The following PARD3 variants were observed in gnomAD, a reference collection of about 807,000 sequenced individuals.
PARD3 encodes partitioning defective 3 homolog.
In PARD3, 75 loss-of-function variants were observed where a neutral mutation model predicts 155.4. That is an observed-to-expected ratio of 0.48 (90% confidence interval 0.40 to 0.58). PARD3 has a LOEUF of 0.58. Ranked by LOEUF, PARD3 falls within the 20% of genes least tolerant of loss-of-function variation. The probability of loss-of-function intolerance (pLI) is 0.00; values close to 1 mark genes in which losing one functional copy is unlikely to be tolerated. For synonymous variants in PARD3, 576 were observed against 610.5 expected, an observed-to-expected ratio of 0.94 and a Z score of 0.83; for missense variants, 1,642 against 1,721.7, an observed-to-expected ratio of 0.95 and a Z score of 0.82.
At chr10:34,733,144 GA>G (rs1293745855) in intron 1 of PARD3, among the ~76,000 whole-genome samples, 3 of 152,126 alleles carry the variant, frequency 2.0e-5, no homozygotes, top group African/African-American at 7.2e-5. Flanking sequence ...CTACTACAAT[GA>G]AATATTTGCC....
chr10:34,785,636 C>G (rs571773277), intron 1 of PARD3, among the ~76,000 whole-genome samples: 3 of 151,982 alleles, frequency 2.0e-5, no homozygotes, highest in African/African-American at 4.8e-5. Flanking sequence ...ATTCGAGAGG[C>G]TGAGGTGGGA....
chr10:34,597,876 T>TCTGC (rs1415246825), intron 2 of PARD3, among the ~76,000 whole-genome samples: 3 of 152,178 alleles, frequency 2.0e-5, no homozygotes, highest in Non-Finnish European at 2.9e-5. Context: ...GCCTTAAATA[T>TCTGC]CTGCTGTTGA....
chr10:34,654,910 C>T (rs914694568), intron 2 of PARD3, among the ~76,000 whole-genome samples: 1 of 152,164 alleles, frequency 6.6e-6, no homozygotes. Flanking sequence ...TCTACACTCC[C>T]GTTGCCTTAC....
At chr10:34,409,294 G>T (rs1322589756) in intron 5 of PARD3, among the ~76,000 whole-genome samples, 1 of 151,920 alleles carries the variant, frequency 6.6e-6, no homozygotes, top group Non-Finnish European at 1.5e-5. Flanking sequence ...ATGCATAATG[G>T]AATCTTAAAA....
intron 1 of PARD3, among the ~76,000 whole-genome samples, chr10:34,795,887 T>C (rs1281853353): frequency 6.7e-6 from 1 of 148,480 alleles, no homozygotes; most frequent in Non-Finnish European, 1.5e-5. Flanking sequence ...AGAGTGAAAC[T>C]CCATCTCAAA....
At chr10:34,746,207 T>C (rs1422207850) in intron 1 of PARD3, among the ~76,000 whole-genome samples, 1 of 151,698 alleles carries the variant, frequency 6.6e-6, no homozygotes, top group Admixed American at 6.6e-5. Flanking sequence ...ATACCTGTAA[T>C]CTCAGCAGGA....
At chr10:34,475,039 C>T (rs751205463) in intron 3 of PARD3, among the ~76,000 whole-genome samples, 1 of 152,144 alleles carries the variant, frequency 6.6e-6, no homozygotes, top group Non-Finnish European at 1.5e-5. Context: ...AGGAAACAAA[C>T]TAGATTCAGT....
intron 1 of PARD3, among the ~76,000 whole-genome samples, chr10:34,797,467 C>T (rs901540249): frequency 3.3e-5 from 5 of 152,168 alleles, no homozygotes; most frequent in African/African-American, 9.7e-5. Context: ...AAAGTCTAAA[C>T]ATGTAGAAAA....
chr10:34,647,292 C>T (rs888581904), intron 2 of PARD3, among the ~76,000 whole-genome samples: 3 of 152,164 alleles, frequency 2.0e-5, no homozygotes, highest in South Asian at 4.1e-4. Context: ...ACTACTGCAT[C>T]CCAGCATCTG....
chr10:34,681,266 T>C (rs2093812992), intron 2 of PARD3, among the ~76,000 whole-genome samples: 1 of 152,138 alleles, frequency 6.6e-6, no homozygotes, highest in Admixed American at 6.5e-5. Flanking sequence ...TTTATTTGCA[T>C]TGTATTTTAA....
chr10:34,721,873 A>G (rs963130507), intron 1 of PARD3, among the ~76,000 whole-genome samples: 2 of 152,222 alleles, frequency 1.3e-5, no homozygotes, highest in Middle Eastern at 3.2e-3. Context: ...TAGAAAAACA[A>G]TGGCTTTAAT....
chr10:34,260,599 A>G (rs1206223012), intron 22 of PARD3, among the ~76,000 whole-genome samples: 1 of 152,310 alleles, frequency 6.6e-6, no homozygotes, highest in African/African-American at 2.4e-5. Context: ...GGCCAGAGAT[A>G]TTAGTAGACA....
chr10:34,324,636 G>A (rs1051614360), intron 19 of PARD3, among the ~76,000 whole-genome samples: 2 of 152,096 alleles, frequency 1.3e-5, no homozygotes, highest in Non-Finnish European at 2.9e-5. Context: ...ACGAGGGTCC[G>A]GCCTAGACTG....
chr10:34,372,559 T>C (rs752480700), intron 11 of PARD3, 23 bp from the exon 12 acceptor site: 29 of 1,580,044 alleles, frequency 1.8e-5, no homozygotes, highest in Non-Finnish European at 2.5e-5. Flanking sequence ...AAGAAAAACA[T>C]AAATACAGAC....
At chr10:34,203,957 C>T (rs920916788) in intron 22 of PARD3, among the ~76,000 whole-genome samples, 2 of 152,174 alleles carry the variant, frequency 1.3e-5, no homozygotes, top group Non-Finnish European at 2.9e-5. Context: ...GCCTCAAAGA[C>T]GCCTCTCATG....
intron 2 of PARD3, among the ~76,000 whole-genome samples, chr10:34,598,876 T>C (rs545943667): frequency 1.3e-5 from 2 of 152,194 alleles, no homozygotes; most frequent in South Asian, 4.2e-4. Flanking sequence ...CCCAAGCCCC[T>C]CAGCACCATG....
In PARD3 at chr10:34,179,495, A is replaced by C. The variant is rs182817516; in HGVS notation, c.3420-47912T>G. 4.2e-3 allele frequency among the ~76,000 whole-genome samples: 639 copies of C among 152,358 alleles called. 7 individuals carry two copies. The highest frequency in any genetic ancestry group is 0.014 in the African/African-American group (588 of 41,588). Reference sequence around the variant, plus strand: ...CTCAAAATGTAAACATACCACTTAAATATTAATCAAGGTAATTACAGAAAA... The same window carrying C: ...CTCAAAATGTAAACATACCACTTAACTATTAATCAAGGTAATTACAGAAAA... On this transcript the variant is annotated intron_variant, in intron 22 of 24. Coordinates refer to ENST00000374788, the MANE Select transcript of PARD3 (RefSeq NM_001184785.2).
At chr10:34,408,495 T>C (rs1844723468) in intron 5 of PARD3, among the ~76,000 whole-genome samples, 1 of 152,202 alleles carries the variant, frequency 6.6e-6, no homozygotes, top group African/African-American at 2.4e-5. Context: ...TTCTTTGGAT[T>C]ACATTTGATG....
At chr10:34,354,321 T>C (rs1474615467) in intron 14 of PARD3, among the ~76,000 whole-genome samples, 1 of 150,206 alleles carries the variant, frequency 6.7e-6, no homozygotes, top group African/African-American at 2.5e-5. Flanking sequence ...GAGCTTGCAG[T>C]GAGCTGAGAT....
Sources: gnomAD v4.1 joint callset for allele counts (sites outside exome capture counted in the v4.1 genomes callset) on GRCh38, gnomAD v4.1.1 for gene constraint, MANE v1.5 for transcripts, NCBI Gene and HGNC (gene_info 2026-07-23, HGNC 2026-07-21) for gene names.